The following PRICKLE2 variants were observed in gnomAD, a reference collection of about 807,000 sequenced individuals.
PRICKLE2 encodes the protein prickle planar cell polarity protein 2.
PRICKLE2 carries 21 observed loss-of-function variants against 81.4 expected under a neutral mutation model. That is an observed-to-expected ratio of 0.26 (90% CI 0.18 to 0.37). The LOEUF is 0.37. PRICKLE2 is among the 10% of genes least tolerant of loss of function. PRICKLE2 has a pLI of 1.00. For missense variants in PRICKLE2, 940 were observed against 1,109.0 expected (o/e 0.85, Z 2.16); for synonymous variants, 456 against 421.5 (o/e 1.08, Z -1.00).
chr3:64,244,810 A>G (rs1194001201), intron 2 of PRICKLE2, among the ~76,000 whole-genome samples: 1 of 152,188 alleles, frequency 6.6e-6, no homozygotes, highest in Non-Finnish European at 1.5e-5. Context: ...TGGCTCAAAA[A>G]AGAGCAGTAT....
At chr3:64,256,412 A>G (rs1662887869) in intron 2 of PRICKLE2, among the ~76,000 whole-genome samples, 1 of 152,180 alleles carries the variant, frequency 6.6e-6, no homozygotes, top group African/African-American at 2.4e-5. Context: ...ATCTGTGGAA[A>G]TTTGTTTTCT....
intron 2 of PRICKLE2, among the ~76,000 whole-genome samples, chr3:64,258,657 T>TA (rs1300427265): frequency 1.3e-5 from 2 of 149,026 alleles, no homozygotes; most frequent in Non-Finnish European, 3.0e-5. Context: ...TGTCTCTACT[T>TA]AAAAAAAGAA....
At chr3:64,254,259 T>C (rs1390350160) in intron 2 of PRICKLE2, among the ~76,000 whole-genome samples, 2 of 152,196 alleles carry the variant, frequency 1.3e-5, no homozygotes, top group Admixed American at 1.3e-4. Context: ...TTGATTCCTT[T>C]ACACTAACAC....
intron 7 of PRICKLE2, 194 bp downstream of exon 7, chr3:64,146,636 G>A (rs534928073): frequency 3.2e-4 from 191 of 597,824 alleles, no homozygotes; most frequent in African/African-American, 2.6e-3. Flanking sequence ...CCAACTACTC[G>A]TGAGGCTGAG....
chr3:64,166,354 A>C (rs2077832954), intron 2 of PRICKLE2, among the ~76,000 whole-genome samples: 1 of 152,168 alleles, frequency 6.6e-6, no homozygotes, highest in African/African-American at 2.4e-5. Flanking sequence ...CAGTACTTTG[A>C]AAACTGGAGA....
chr3:64,151,347 A>G (rs1338128097), intron 6 of PRICKLE2, among the ~76,000 whole-genome samples: 2 of 152,232 alleles, frequency 1.3e-5, no homozygotes, highest in Admixed American at 6.5e-5. Flanking sequence ...TAAAACACTG[A>G]CACCCTTTAA....
At chr3:64,263,359 T>C (rs1233085215) in intron 2 of PRICKLE2, among the ~76,000 whole-genome samples, 1 of 152,212 alleles carries the variant, frequency 6.6e-6, no homozygotes, top group Non-Finnish European at 1.5e-5. Context: ...GTCTGTCCTG[T>C]ATCCACAATT....
intron 2 of PRICKLE2, among the ~76,000 whole-genome samples, chr3:64,197,938 G>A (rs1389951190): frequency 2.0e-5 from 3 of 152,018 alleles, no homozygotes; most frequent in African/African-American, 7.2e-5. Context: ...ATGGCCGGGT[G>A]TGGTGGCTCA....
chr3:64,196,060 A>C (rs561072783), intron 2 of PRICKLE2, among the ~76,000 whole-genome samples: 1 of 152,350 alleles, frequency 6.6e-6, no homozygotes, highest in Non-Finnish European at 1.5e-5. Context: ...TATGCTTCCC[A>C]AAGACATTCA....
chr3:64,267,690 CG>C, intron 2 of PRICKLE2, among the ~76,000 whole-genome samples: 1 of 152,280 alleles, frequency 6.6e-6, no homozygotes, highest in Middle Eastern at 3.4e-3. Context: ...AAAGTGGCTG[CG>C]CGAAAGGTGG....
chr3:64,153,547 G>C lies in PRICKLE2; in HGVS notation c.601-179C>G. The C allele has an allele frequency of 1.6e-5, 10 of 608,150 alleles. No homozygotes were observed. In the Middle Eastern group the frequency reaches 2.6e-3, roughly 159 times the overall value. 37.7% of individuals were successfully genotyped at this position (608,150 alleles called of 1,614,324 possible). ...GTATGTATATCAGTTCCTATACATG[G>C]ATTTACCTAAAGCATAATTAAACAT... On this transcript the variant is annotated intron_variant, in intron 5 of 7. Coordinates refer to ENST00000638394, the MANE Select transcript of PRICKLE2 (RefSeq NM_198859.4).
In PRICKLE2 at chr3:64,244,116, T is replaced by G. The variant is rs191312572; in HGVS notation, c.129-45149A>C. Among the ~76,000 whole-genome samples the G allele has an allele frequency of 2.8e-3, 420 of 152,286 alleles. 2 individuals carry two copies. The highest frequency in any genetic ancestry group is 5.7e-3 in the Admixed American group (87 of 15,302). ...AATAGAAATGTTAACTTGCATGGAA[T>G]CAAAGCAGTGGCTCAGAGCAACCCT... On this transcript the variant is annotated intron_variant, in intron 2 of 8. Coordinates refer to the PRICKLE2 transcript ENST00000295902.
chr3:64,151,398 G>A (rs1049436189), intron 6 of PRICKLE2, among the ~76,000 whole-genome samples: 6 of 152,196 alleles, frequency 3.9e-5, no homozygotes, highest in African/African-American at 1.4e-4. Flanking sequence ...CAATAAATGT[G>A]CTGGGCAGCC....
At chr3:64,206,024 AG>A (rs1200087072) in intron 1 of PRICKLE2, among the ~76,000 whole-genome samples, 42 of 152,268 alleles carry the variant, frequency 2.8e-4, no homozygotes, top group African/African-American at 9.9e-4. Flanking sequence ...GATGGAAAGA[AG>A]AAAAAATATA....
intron 1 of PRICKLE2, among the ~76,000 whole-genome samples, chr3:64,216,500 T>G (rs970781829): frequency 3.3e-5 from 5 of 152,206 alleles, no homozygotes; most frequent in Non-Finnish European, 7.3e-5. Flanking sequence ...CAATTGCTAT[T>G]TCTCACTCTC....
intron 2 of PRICKLE2, among the ~76,000 whole-genome samples, chr3:64,259,263 C>T (rs539868549): frequency 1.2e-4 from 18 of 152,220 alleles, no homozygotes; most frequent in African/African-American, 4.1e-4. Flanking sequence ...TAACAGTAAG[C>T]CAATATTTAC....
intron 2 of PRICKLE2, among the ~76,000 whole-genome samples, chr3:64,245,313 T>C (rs1385295066): frequency 6.6e-6 from 1 of 152,130 alleles, no homozygotes; most frequent in Non-Finnish European, 1.5e-5. Flanking sequence ...GCAAGAATTA[T>C]GGGGTTTCTC....
At chr3:64,145,097 ATTTT>A (rs56414517) in intron 7 of PRICKLE2, among the ~76,000 whole-genome samples, 1 of 140,026 alleles carries the variant, frequency 7.1e-6, no homozygotes, top group African/African-American at 2.6e-5. Flanking sequence ...ATAATATTAA[ATTTT>A]TTTTTTTTTT....
chr3:64,107,868 T>C (rs774443478), intron 7 of PRICKLE2, among the ~76,000 whole-genome samples: 9 of 152,210 alleles, frequency 5.9e-5, no homozygotes, highest in Non-Finnish European at 8.8e-5. Context: ...GGAAATAGTA[T>C]CTATTCAACC....
Sources: gnomAD v4.1 joint callset for allele counts (sites outside exome capture counted in the v4.1 genomes callset) on GRCh38, gnomAD v4.1.1 for gene constraint, MANE v1.5 for transcripts, NCBI Gene and HGNC (gene_info 2026-07-23, HGNC 2026-07-21) for gene names.